The following GRID1 variants were observed in gnomAD, a reference collection of about 807,000 sequenced individuals.
GRID1 encodes glutamate receptor ionotropic, delta-1.
In GRID1, 28 loss-of-function variants were observed where a neutral mutation model predicts 98.0. The observed-to-expected ratio is 0.29, with a 90% CI of 0.21 to 0.39. The LOEUF (loss-of-function observed/expected upper bound fraction) is 0.39. GRID1 is among the 10% of genes least tolerant of loss of function. GRID1 has a pLI of 1.00. For synonymous variants in GRID1, 553 were observed against 538.5 expected, an observed-to-expected ratio of 1.03 and a Z score of -0.37; for missense variants, 1,111 against 1,340.5, an observed-to-expected ratio of 0.83 and a Z score of 2.67.
Position 86,195,182 on chromosome 10 carries a change from C to T in GRID1, c.520+11182G>A, listed in dbSNP as rs1845855324. ...TGGGATCAGCTGAGCCATGAGAGGG[C>T]CACACTGCACAGTCAGCGACTGTGC... On this transcript the variant is annotated intron_variant, in intron 3 of 15. Coordinates refer to ENST00000327946, the MANE Select transcript of GRID1 (RefSeq NM_017551.3). This position sits in a 1 kb window ranked among gnomAD's most constrained non-coding sequence, Gnocchi z 4.4. 1.3e-5 allele frequency among the ~76,000 whole-genome samples: 2 copies of T among 152,172 alleles called. No homozygotes were observed. The highest frequency in any genetic ancestry group is 4.2e-4 in the South Asian group (2 of 4,810).
intron 14 of GRID1, among the ~76,000 whole-genome samples, chr10:85,617,833 C>T (rs928781455): frequency 2.0e-5 from 3 of 152,060 alleles, no homozygotes; most frequent in Non-Finnish European, 4.4e-5. Context: ...AGGTTTCACA[C>T]AGGGACCTCA....
intron 4 of GRID1, among the ~76,000 whole-genome samples, chr10:86,039,639 G>A (rs1843318781): frequency 2.0e-5 from 3 of 152,156 alleles, no homozygotes; most frequent in African/African-American, 4.8e-5. Flanking sequence ...GTAGAAGGGC[G>A]AGCTGAGGCC....
At chr10:85,818,689 C>T (rs1842736545) in intron 8 of GRID1, among the ~76,000 whole-genome samples, 1 of 151,790 alleles carries the variant, frequency 6.6e-6, no homozygotes, top group Non-Finnish European at 1.5e-5. Context: ...TGACACAGTT[C>T]CCAGTAACCA....
intron 2 of GRID1, among the ~76,000 whole-genome samples, chr10:86,222,512 A>G (rs1261765531): frequency 6.6e-6 from 1 of 152,108 alleles, no homozygotes; most frequent in African/African-American, 2.4e-5. Flanking sequence ...GAAACCATGC[A>G]TGTTGCAGGC....
intron 15 of GRID1, among the ~76,000 whole-genome samples, chr10:85,612,498 G>T (rs1396543095): frequency 6.6e-6 from 1 of 152,106 alleles, no homozygotes; most frequent in Non-Finnish European, 1.5e-5. Flanking sequence ...TTTGATGCAG[G>T]TTGCTTTACC....
chr10:85,926,642 C>A (rs1326176383), intron 4 of GRID1, among the ~76,000 whole-genome samples: 2 of 152,100 alleles, frequency 1.3e-5, no homozygotes, highest in Non-Finnish European at 2.9e-5. Flanking sequence ...CTGCCCAACG[C>A]CCACCCCATT....
At chr10:85,643,379 G>A (rs1168361166) in intron 13 of GRID1, among the ~76,000 whole-genome samples, 8 of 152,130 alleles carry the variant, frequency 5.3e-5, no homozygotes, top group Admixed American at 5.2e-4. Context: ...GATTTGTTCT[G>A]TAGTTTCTGG....
At chr10:85,743,515 T>G (rs1228643270) in intron 8 of GRID1, among the ~76,000 whole-genome samples, 2 of 152,094 alleles carry the variant, frequency 1.3e-5, no homozygotes, top group African/African-American at 4.8e-5. Context: ...ATAAAATATG[T>G]GGAATTGGCT....
intron 5 of GRID1, among the ~76,000 whole-genome samples, chr10:85,877,312 G>T (rs1250245026): frequency 6.6e-6 from 1 of 152,218 alleles, no homozygotes; most frequent in Non-Finnish European, 1.5e-5. Context: ...CTCCTCAAGT[G>T]GGTCCCTGAC....
At chr10:85,837,775 A>ATC (rs760204539) in intron 8 of GRID1, among the ~76,000 whole-genome samples, 34 of 152,336 alleles carry the variant, frequency 2.2e-4, no homozygotes, top group Admixed American at 1.1e-3. Flanking sequence ...TGACCGCATC[A>ATC]TCTCTCCAGC....
At chr10:85,944,271 T>C (rs1197067695) in intron 4 of GRID1, among the ~76,000 whole-genome samples, 4 of 152,206 alleles carry the variant, frequency 2.6e-5, no homozygotes, top group Non-Finnish European at 5.9e-5. Flanking sequence ...TTGGGGTGAT[T>C]TGTTATGCAG....
At chr10:85,647,625 G>A (rs999092174) in intron 12 of GRID1, 3 of 503,948 alleles carry the variant, frequency 6.0e-6, no homozygotes, top group African/African-American at 5.7e-5. Flanking sequence ...TCAATAAGAT[G>A]ACTGGGCACC....
intron 2 of GRID1, among the ~76,000 whole-genome samples, chr10:86,215,189 C>A (rs1846157309): frequency 6.6e-6 from 1 of 152,192 alleles, no homozygotes; most frequent in African/African-American, 2.4e-5. Context: ...CTGGGAGCCC[C>A]AGCCTCTCTG....
chr10:86,085,814 G>C (rs888506622), intron 4 of GRID1, among the ~76,000 whole-genome samples: 3 of 152,106 alleles, frequency 2.0e-5, no homozygotes, highest in African/African-American at 7.2e-5. Context: ...ACCAGGAACA[G>C]GCTGGGGAAT....
intron 2 of GRID1, among the ~76,000 whole-genome samples, chr10:86,294,655 C>T (rs116377566): frequency 0.019 from 2,850 of 152,164 alleles, 86 homozygotes; most frequent in African/African-American, 0.066. Context: ...TGGGGACATG[C>T]TTGTGTAAGA....
intron 4 of GRID1, among the ~76,000 whole-genome samples, chr10:86,065,245 C>T (rs901973200): frequency 5.9e-5 from 9 of 152,338 alleles, no homozygotes; most frequent in Admixed American, 2.6e-4. Flanking sequence ...AATGCAAATT[C>T]CCAGGTCTGT....
chr10:86,187,666 G>T (rs1213938854), intron 3 of GRID1, among the ~76,000 whole-genome samples: 1 of 152,182 alleles, frequency 6.6e-6, no homozygotes, highest in Non-Finnish European at 1.5e-5. Flanking sequence ...TTGGGGCTGC[G>T]CTAGTTCCAG....
chr10:85,879,770 T>A (rs547746341), intron 5 of GRID1, among the ~76,000 whole-genome samples: 2 of 152,038 alleles, frequency 1.3e-5, no homozygotes, highest in South Asian at 4.1e-4. Context: ...ATAACTAATA[T>A]CAGAGCAGAA....
chr10:85,980,820 A>G (rs1194233725), intron 4 of GRID1, among the ~76,000 whole-genome samples: 1 of 152,254 alleles, frequency 6.6e-6, no homozygotes, highest in African/African-American at 2.4e-5. Context: ...TAATAGAAAC[A>G]GGAACTTATG....
Sources: allele counts gnomAD v4.1 joint callset (sites outside exome capture counted in the v4.1 genomes callset), GRCh38; gene constraint gnomAD v4.1.1; non-coding constraint Gnocchi (gnomAD v3.1); transcripts MANE v1.5; gene names NCBI Gene and HGNC (gene_info 2026-07-23, HGNC 2026-07-21).